The following HPR variants were observed in gnomAD, a reference collection of about 807,000 sequenced individuals.
HPR encodes haptoglobin-related protein.
HPR carries 17 observed loss-of-function variants against 18.5 expected under a neutral mutation model. That is an observed-to-expected ratio of 0.92 (90% confidence interval 0.63 to 1.38). The LOEUF (loss-of-function observed/expected upper bound fraction) is 1.38. Among genes scored for constraint, HPR ranks in the 40% most tolerant of loss-of-function variants. The pLI, the probability that HPR is intolerant of heterozygous loss-of-function variation, is 0.00. For synonymous variants in HPR, 176 were observed against 165.0 expected, an observed-to-expected ratio of 1.07 and a Z score of -0.51; for missense variants, 457 against 432.4, an observed-to-expected ratio of 1.06 and a Z score of -0.51.
chr16:72,074,079 C>A, intron 2 of HPR, 102 bp downstream of exon 2: 1 of 1,489,970 alleles, frequency 6.7e-7, no homozygotes, highest in Non-Finnish European at 9.3e-7. Context: ...CACAGTTCCC[C>A]ATTCTTATCC....
chr16:72,073,811 C>T (rs1216780907), intron 1 of HPR, 81 bp from the exon 2 acceptor site: 8 of 1,605,222 alleles, frequency 5.0e-6, no homozygotes, highest in Non-Finnish European at 6.8e-6. Flanking sequence ...TGTGTGTGTA[C>T]ATGCCTGTGT....
chr16:72,070,598 A>G (rs2041644436), intron 1 of HPR, among the ~76,000 whole-genome samples: 1 of 152,192 alleles, frequency 6.6e-6, no homozygotes, highest in African/African-American at 2.4e-5. Context: ...AATTAACTCT[A>G]AAAAGGGCTT....
intron 1 of HPR, among the ~76,000 whole-genome samples, chr16:72,068,521 A>G (rs1374982585): frequency 6.6e-6 from 1 of 152,182 alleles, no homozygotes; most frequent in Non-Finnish European, 1.5e-5. Context: ...AAAGAGCTAA[A>G]AGGAATAGCT....
At chr16:72,076,165 A>G (rs1395100908) in intron 4 of HPR, 138 bp from the exon 5 acceptor site, 1 of 1,486,616 alleles carries the variant, frequency 6.7e-7, no homozygotes. Context: ...TGGAAATGAG[A>G]TCAGCAGGTG....
chr16:72,076,263 T>C (rs1331164935), intron 4 of HPR, 40 bp from the exon 5 acceptor site: 2 of 1,603,518 alleles, frequency 1.2e-6, no homozygotes, highest in Admixed American at 1.7e-5. Context: ...GAAAGGCTCT[T>C]GCACATTTCC....
chr16:72,077,096 G>C lies in HPR; in HGVS notation c.*15G>C, dbSNP rs766589905. On this transcript the variant is annotated 3_prime_UTR_variant, in exon 5 of 5. Transcript: ENST00000540303. ...CTGAGAACTAATGCAAGGCTGGCCGGAAGCCCTTGCCTGAAAGCAAGATTT... is the reference window on the plus strand; with the variant it reads ...CTGAGAACTAATGCAAGGCTGGCCGCAAGCCCTTGCCTGAAAGCAAGATTT... 1 of 1,596,032 alleles carries C rather than the reference G, an allele frequency of 6.3e-7. No individual in the cohort carries two copies. The highest frequency in any genetic ancestry group is 1.7e-5 in the Admixed American group (1 of 59,186).
chr16:72,076,561 A>G lies in HPR; in HGVS notation c.527A>G (p.Glu176Gly). The G allele has an allele frequency of 1.9e-6, 3 of 1,614,226 alleles. No homozygotes were observed. Among genetic ancestry groups the G allele is most frequent in the African/African-American group, 1.3e-5 (1 of 75,068 alleles). Residue 176 changes from glutamate to glycine, a missense_variant, in exon 5 of 5, where the codon GAG becomes GGG. By Grantham distance (98) the Glu-to-Gly change is moderately conservative. Coordinates refer to ENST00000540303, the MANE Select transcript of HPR (RefSeq NM_020995.4). ...YVGKKQLVEI[E>G]KVVLHPNYHQ... ...GGGAAAAAGCAGCTTGTAGAGATTG[A>G]GAAGGTGGTTCTACACCCTAACTAC...
intron 1 of HPR, among the ~76,000 whole-genome samples, chr16:72,072,084 C>T (rs1347973505): frequency 2.0e-5 from 3 of 152,074 alleles, no homozygotes; most frequent in African/African-American, 7.2e-5. Flanking sequence ...TCTCGGCTCA[C>T]CACAACTTCT....
Position 72,074,265 on chromosome 16 carries a change from G to A in HPR, c.92-19G>A. 4 of 1,604,414 alleles carry A rather than the reference G, an allele frequency of 2.5e-6. No homozygotes were observed. The highest frequency in any genetic ancestry group is 3.4e-6 in the Non-Finnish European group (4 of 1,171,240). ...ACAATTTCCAAATGGTAAACTCTCT[G>A]GCTTCTCTCTCTTTGCAGATGACCG... On this transcript the variant is annotated intron_variant, in intron 2 of 4. Transcript: ENST00000540303.
chr16:72,073,781 TGTGTGTGTGTGC>T lies in HPR; in HGVS notation c.6-99_6-88del, dbSNP rs758452923. 3 of 1,576,392 alleles carry T rather than the reference TGTGTGTGTGTGC, an allele frequency of 1.9e-6. No individual in the cohort carries two copies. In the African/African-American group the frequency reaches 4.0e-5, roughly 21 times the overall value. ...AGTGGGAGGAGTGTGTGTGTATGCA[TGTGTGTGTGTGC>T]GTGTGTGTGTGTGTGTACATGCCTG... is the stretch of plus-strand genomic sequence containing the variant. On this transcript the variant is annotated intron_variant, in intron 1 of 4. Transcript: ENST00000540303.
Position 72,076,865 on chromosome 16 carries a change from C to T in HPR, c.831C>T (p.Asn277=), listed in dbSNP as rs145553077. The T allele has an allele frequency of 1.8e-4, 296 of 1,614,176 alleles. No homozygotes were observed. The highest frequency in any genetic ancestry group is 2.5e-4 in the East Asian group (11 of 44,886). ...KSPVGVQPIL[N]EHTFCVGMSK... ...CTGTAGGGGTGCAGCCCATACTGAA[C>T]GAACACACCTTCTGTGTCGGCATGT... The change falls in exon 5 of 5, where the codon AAC becomes AAT. Residue 277 remains asparagine, a synonymous_variant. Coordinates refer to ENST00000540303, the MANE Select transcript of HPR (RefSeq NM_020995.4).
At position 72,076,431 on chromosome 16, in the gene HPR, C is replaced by G. The variant is rs1597421386; in HGVS notation, c.397C>G (p.Leu133Val). ...SHHNLTTGATLINEQWLLTTA... is the reference protein window; with the variant it reads ...SHHNLTTGATVINEQWLLTTA... ...CCATAATCTCACCACAGGGGCCACG[C>G]TGATCAATGAACAATGGCTGCTGAC... The change falls in exon 5 of 5, where the codon CTG (leucine) becomes GTG (valine). Residue 133 changes from leucine to valine, a missense_variant. Physicochemically the swap from Leu to Val is conservative, Grantham distance 32. Coordinates refer to ENST00000540303, the MANE Select transcript of HPR (RefSeq NM_020995.4). 1 of 1,614,080 alleles carries G rather than the reference C, an allele frequency of 6.2e-7. No individual in the cohort carries two copies.
chr16:72,064,176 T>C (rs2041573390), intron 1 of HPR, among the ~76,000 whole-genome samples: 1 of 152,190 alleles, frequency 6.6e-6, no homozygotes, highest in African/African-American at 2.4e-5. Context: ...CTCTTCCAGG[T>C]AACCTTCTGG....
At chr16:72,069,495 T>C (rs1452012818) in intron 1 of HPR, among the ~76,000 whole-genome samples, 4 of 152,046 alleles carry the variant, frequency 2.6e-5, no homozygotes, top group Non-Finnish European at 4.4e-5. Flanking sequence ...AAAAGAAGAA[T>C]AAAGATAGGA....
rs756577954 is a variant in HPR, at chr16:72,073,766, G to C, written c.6-126G>C. 1.1e-5 allele frequency: 17 copies of C among 1,580,474 alleles called. 1 individual carries two copies. In the Middle Eastern group the frequency reaches 2.9e-3, roughly 272 times the overall value. On this transcript the variant is annotated intron_variant, in intron 1 of 4. Transcript: ENST00000540303. Reference sequence around the variant, plus strand: ...CTTTTCTGGCTGCTTAGTGGGAGGAGTGTGTGTGTATGCATGTGTGTGTGT... The same window carrying C: ...CTTTTCTGGCTGCTTAGTGGGAGGACTGTGTGTGTATGCATGTGTGTGTGT...
chr16:72,076,449 C>T lies in HPR; in HGVS notation c.415C>T (p.Leu139=), dbSNP rs371112575. Residue 139 remains leucine (L), a synonymous_variant, in exon 5 of 5, where the codon CTG becomes TTG. Coordinates refer to ENST00000540303, the MANE Select transcript of HPR (RefSeq NM_020995.4). ...GGCCACGCTGATCAATGAACAATGG[C>T]TGCTGACCACGGCTAAAAATCTCTT... The part of the protein sequence containing the change: ...TGATLINEQW[L]LTTAKNLFLN... 44 of 1,614,190 alleles carry T rather than the reference C, an allele frequency of 2.7e-5. No individual in the cohort carries two copies. The African/African-American group carries it at 4.8e-4, about 18-fold the overall frequency.
chr16:72,067,676 T>A (rs188238355), intron 1 of HPR, among the ~76,000 whole-genome samples: 3 of 152,154 alleles, frequency 2.0e-5, no homozygotes, highest in African/African-American at 7.2e-5. Flanking sequence ...CAATTCCCCA[T>A]TCCCTTAGAG....
chr16:72,074,395 G>A lies in HPR; in HGVS notation c.193+10G>A, dbSNP rs371912812. The A allele has an allele frequency of 1.3e-6, 2 of 1,589,190 alleles. No homozygotes were observed. The highest frequency in any genetic ancestry group is 1.1e-5 in the South Asian group (1 of 90,508). ...CGCACAGAAGGAGATGGTAAGACCTGGACAACTATCTCTGTGCTCTACCTA... is the reference window on the plus strand; with the variant it reads ...CGCACAGAAGGAGATGGTAAGACCTAGACAACTATCTCTGTGCTCTACCTA... On this transcript the variant is annotated intron_variant, in intron 3 of 4. Transcript: ENST00000540303.
At chr16:72,065,499 A>G (rs1354590309) in intron 1 of HPR, among the ~76,000 whole-genome samples, 1 of 152,076 alleles carries the variant, frequency 6.6e-6, no homozygotes, top group African/African-American at 2.4e-5. Context: ...ACAAGGATAT[A>G]CCCCTTGATA....
Sources: gnomAD v4.1 joint callset for allele counts (sites outside exome capture counted in the v4.1 genomes callset) on GRCh38, gnomAD v4.1.1 for gene constraint, MANE v1.5 for transcripts, NCBI Gene and HGNC (gene_info 2026-07-23, HGNC 2026-07-21) for gene names.